The following ERC1 variants were observed in gnomAD, a reference collection of about 807,000 sequenced individuals.
ERC1 encodes the protein RAB6 interacting protein 2.
Under a neutral mutation model 132.0 loss-of-function variants are expected in ERC1, and 56 were observed. The observed-to-expected ratio is 0.42, with a 90% CI of 0.34 to 0.53. ERC1 has a LOEUF of 0.53. Among genes scored for constraint, ERC1 ranks in the 20% least tolerant of loss-of-function variants. The pLI, the probability that ERC1 is intolerant of heterozygous loss-of-function variation, is 0.03. For synonymous variants in ERC1, 478 were observed against 476.1 expected, an observed-to-expected ratio of 1.00 and a Z score of -0.05; for missense variants, 1,202 against 1,349.9, an observed-to-expected ratio of 0.89 and a Z score of 1.72.
chr12:1,275,224 A>T (rs1054768668), intron 14 of ERC1, among the ~76,000 whole-genome samples: 20 of 152,348 alleles, frequency 1.3e-4, no homozygotes, highest in African/African-American at 4.6e-4. Context: ...ACAGTGGCTC[A>T]TACCTGTAAT....
chr12:1,018,363 C>T (rs1264020542), intron 1 of ERC1, among the ~76,000 whole-genome samples: 6 of 152,040 alleles, frequency 3.9e-5, no homozygotes, highest in Non-Finnish European at 7.4e-5. Flanking sequence ...TACAGGTGTG[C>T]GCCACCATGC....
chr12:1,045,756 A>G (rs1321665460), intron 2 of ERC1, among the ~76,000 whole-genome samples: 1 of 152,160 alleles, frequency 6.6e-6, no homozygotes, highest in African/African-American at 2.4e-5. Context: ...TGAAAAATTA[A>G]TATTCAGTCA....
At chr12:1,388,545 G>A (rs566445482) in intron 16 of ERC1, among the ~76,000 whole-genome samples, 46 of 152,154 alleles carry the variant, frequency 3.0e-4, no homozygotes, top group East Asian at 3.9e-4. Context: ...GACAGGTCAC[G>A]GAGAGCCCTG....
intron 18 of ERC1, among the ~76,000 whole-genome samples, chr12:1,474,813 T>A (rs2093938077): frequency 6.6e-6 from 1 of 152,198 alleles, no homozygotes; most frequent in Non-Finnish European, 1.5e-5. Flanking sequence ...GAGAGCCTCA[T>A]CTCTGAAATG....
intron 11 of ERC1, among the ~76,000 whole-genome samples, chr12:1,187,082 C>T (rs1260039887): frequency 2.6e-5 from 4 of 152,192 alleles, no homozygotes; most frequent in Admixed American, 6.5e-5. Flanking sequence ...CCACCCACCT[C>T]GGCCTCCCAA....
chr12:1,487,105 C>A (rs1361793346), intron 18 of ERC1, among the ~76,000 whole-genome samples: 2 of 152,166 alleles, frequency 1.3e-5, no homozygotes, highest in African/African-American at 4.8e-5. Context: ...GCTGTATTTA[C>A]AAGGTACCCA....
At chr12:1,284,770 A>T (rs2078933591) in intron 14 of ERC1, among the ~76,000 whole-genome samples, 1 of 152,096 alleles carries the variant, frequency 6.6e-6, no homozygotes, top group Admixed American at 6.5e-5. Context: ...TCCTGGGCTC[A>T]AGCAACCCTC....
chr12:1,199,989 G>T (rs768164835), intron 12 of ERC1, among the ~76,000 whole-genome samples: 8 of 151,786 alleles, frequency 5.3e-5, no homozygotes, highest in Non-Finnish European at 1.2e-4. Context: ...TAATCTGGGA[G>T]TGTTATTTGC....
rs373890746 is a variant in ERC1, at chr12:1,263,206, A to G, written c.2619+41A>G. On this transcript the variant is annotated intron_variant, in intron 14 of 18. Transcript: ENST00000360905. ...CAGTTCCAAGCAATGCTGCTGGTTA[A>G]CCAAAAGGTAACACACAACCAGTAT... 7 of 1,604,862 alleles carry G rather than the reference A, an allele frequency of 4.4e-6. No individual in the cohort carries two copies. Among genetic ancestry groups the G allele is most frequent in the African/African-American group, 1.3e-5 (1 of 74,766 alleles).
At chr12:1,487,961 G>A (rs1025921095) in intron 18 of ERC1, among the ~76,000 whole-genome samples, 1 of 151,642 alleles carries the variant, frequency 6.6e-6, no homozygotes. Context: ...ACACGGTGAA[G>A]CCCTGTCTCT....
At chr12:1,009,305 G>T (rs1023022690) in intron 1 of ERC1, among the ~76,000 whole-genome samples, 4 of 151,964 alleles carry the variant, frequency 2.6e-5, no homozygotes, top group Non-Finnish European at 5.9e-5. Context: ...CTCCCGAGTA[G>T]CTGGGACTAC....
intron 2 of ERC1, among the ~76,000 whole-genome samples, chr12:1,054,186 C>G (rs1052253539): frequency 6.6e-6 from 1 of 152,142 alleles, no homozygotes. Context: ...ATCATGTATT[C>G]AAAGTTTGTA....
intron 2 of ERC1, among the ~76,000 whole-genome samples, chr12:1,065,814 A>G (rs771743406): frequency 1.8e-4 from 27 of 152,130 alleles, no homozygotes; most frequent in Non-Finnish European, 3.2e-4. Context: ...TGGCCGTACA[A>G]TAGAGTAGTA....
chr12:1,168,251 A>G (rs773653670), intron 8 of ERC1, among the ~76,000 whole-genome samples: 1 of 151,980 alleles, frequency 6.6e-6, no homozygotes, highest in Non-Finnish European at 1.5e-5. Context: ...GCTGCAAGGA[A>G]CTAAGACTAC....
chr12:1,331,313 T>C (rs1160302474), intron 15 of ERC1, among the ~76,000 whole-genome samples: 1 of 152,238 alleles, frequency 6.6e-6, no homozygotes, highest in Non-Finnish European at 1.5e-5. Flanking sequence ...GTTTTACTCA[T>C]GTTTTTACAT....
intron 12 of ERC1, among the ~76,000 whole-genome samples, chr12:1,212,826 C>T (rs1958005157): frequency 6.6e-6 from 1 of 152,206 alleles, no homozygotes; most frequent in Non-Finnish European, 1.5e-5. Flanking sequence ...CCTCCCAGGG[C>T]ACCGCTGGCT....
At chr12:1,184,640 A>G (rs1954867534) in intron 11 of ERC1, among the ~76,000 whole-genome samples, 1 of 152,226 alleles carries the variant, frequency 6.6e-6, no homozygotes, top group Admixed American at 6.5e-5. Flanking sequence ...TTAAGAATGT[A>G]TATCCTGTAT....
intron 1 of ERC1, among the ~76,000 whole-genome samples, chr12:1,024,423 C>T (rs992168057): frequency 5.3e-5 from 8 of 152,044 alleles, no homozygotes; most frequent in South Asian, 4.1e-4. Flanking sequence ...CCACCCCGCT[C>T]CCCCCACAGG....
intron 13 of ERC1, among the ~76,000 whole-genome samples, chr12:1,250,927 G>A (rs901012955): frequency 7.9e-5 from 12 of 152,098 alleles, no homozygotes; most frequent in African/African-American, 1.2e-4. Flanking sequence ...CAGCTCTCCC[G>A]AAACCAATGA....
Sources: allele counts gnomAD v4.1 joint callset (sites outside exome capture counted in the v4.1 genomes callset), GRCh38; gene constraint gnomAD v4.1.1; transcripts MANE v1.5; gene names NCBI Gene and HGNC (gene_info 2026-07-23, HGNC 2026-07-21).